Variants in PCGF5 observed in about 807,000 individuals in gnomAD.
The protein encoded by PCGF5 is polycomb group ring finger 5.
Under a neutral mutation model 44.3 loss-of-function variants are expected in PCGF5, and 9 were observed. The ratio of observed to expected loss-of-function variants is 0.20; its 90% CI spans 0.12 to 0.35. PCGF5 has a LOEUF of 0.35. Ranked by LOEUF, PCGF5 falls within the 10% of genes least tolerant of loss-of-function variation. The pLI is 1.00. For synonymous variants in PCGF5, 95 were observed against 102.5 expected (o/e 0.93, Z 0.44); for missense variants, 146 against 305.3 (o/e 0.48, Z 3.89).
chr10:91,272,509 A>C (rs996076098), intron 9 of PCGF5, among the ~76,000 whole-genome samples: 1 of 152,104 alleles, frequency 6.6e-6, no homozygotes, highest in Non-Finnish European at 1.5e-5. Context: ...ACGGTGGCTC[A>C]CCTCTGTAAT....
intron 1 of PCGF5, among the ~76,000 whole-genome samples, chr10:91,163,411 C>T (rs1843430276): frequency 6.6e-6 from 1 of 151,924 alleles, no homozygotes; most frequent in South Asian, 2.1e-4. Context: ...GGCCCCGCCG[C>T]GGGAGCAGCG....
intron 2 of PCGF5, among the ~76,000 whole-genome samples, chr10:91,239,948 A>G (rs547929476): frequency 2.0e-4 from 31 of 152,306 alleles, no homozygotes; most frequent in African/African-American, 7.5e-4. Context: ...CCATGGAATT[A>G]TAGTACCTAT....
chr10:91,276,399 G>A (rs1045796450), intron 9 of PCGF5, among the ~76,000 whole-genome samples: 1 of 152,070 alleles, frequency 6.6e-6, no homozygotes, highest in Non-Finnish European at 1.5e-5. Flanking sequence ...AAACTGAAAC[G>A]CAGGTCTATT....
intron 1 of PCGF5, among the ~76,000 whole-genome samples, chr10:91,167,563 C>T (rs1843521601): frequency 6.6e-6 from 1 of 152,118 alleles, no homozygotes; most frequent in African/African-American, 2.4e-5. Flanking sequence ...ATGAGCATGT[C>T]CAGGATTTGA....
Position 91,264,637 on chromosome 10 carries a change from G to T in PCGF5, c.663+117G>T, listed in dbSNP as rs1016128331. ...ACTAGCTTGGGAAGGAGAAGAAACT[G>T]GTTTTTCTTGCTACTGTTTCTCCTA... On this transcript the variant is annotated intron_variant, in intron 8 of 9. Transcript: ENST00000336126. 1.5e-5 allele frequency: 11 copies of T among 730,544 alleles called. No individual in the cohort carries two copies. The Admixed American group carries it at 2.8e-4, about 19-fold the overall frequency. 45.3% of individuals were successfully genotyped at this position (730,544 alleles called of 1,614,324 possible).
chr10:91,196,340 A>G (rs1844134176), intron 1 of PCGF5, among the ~76,000 whole-genome samples: 1 of 152,212 alleles, frequency 6.6e-6, no homozygotes, highest in Admixed American at 6.5e-5. Flanking sequence ...TCAGTTTACA[A>G]AGTTCAAATG....
chr10:91,234,066 A>G lies in PCGF5; in HGVS notation c.113-6418A>G, dbSNP rs561932683. The stretch of plus-strand genomic sequence containing the variant: ...CTGGGAAGCTCACTCTCTGTGATAC[A>G]TAAGAGACCTGGGTGGACCACACAT... On this transcript the variant is annotated intron_variant, in intron 2 of 9. Transcript: ENST00000336126. Among the ~76,000 whole-genome samples the G allele has an allele frequency of 1.3e-3, 198 of 152,352 alleles. 2 individuals are homozygous for G. The highest frequency in any genetic ancestry group is 2.5e-3 in the Non-Finnish European group (171 of 68,028).
At chr10:91,242,943 T>C (rs1033522326) in intron 3 of PCGF5, among the ~76,000 whole-genome samples, 17 of 152,194 alleles carry the variant, frequency 1.1e-4, no homozygotes, top group African/African-American at 4.1e-4. Context: ...GATCTTTTCC[T>C]CCTAAAATTC....
chr10:91,250,520 C>A (rs1184771953), intron 5 of PCGF5, among the ~76,000 whole-genome samples: 1 of 127,396 alleles, frequency 7.8e-6, no homozygotes, highest in Non-Finnish European at 1.6e-5. Context: ...TTTTAGCTTG[C>A]CTTTATTTGA....
chr10:91,226,958 G>A (rs1021253125), intron 2 of PCGF5, among the ~76,000 whole-genome samples: 2 of 152,156 alleles, frequency 1.3e-5, no homozygotes, highest in Admixed American at 1.3e-4. Context: ...ACACAAATGA[G>A]TTTTAGCTTT....
rs59977249 is a variant in PCGF5 at position 91,241,042 on chromosome 10, C to CAT, written c.209+474_209+475dup. On this transcript the variant is annotated intron_variant, in intron 3 of 9. Transcript: ENST00000336126. ...TACCCCTCAACTTTAGCAGTATAAT[C>CAT]ATATATATATATAATATATATTTTA... 9.8e-3 allele frequency among the ~76,000 whole-genome samples: 1,448 copies of CAT among 147,762 alleles called. 21 individuals are homozygous for CAT. The highest frequency in any genetic ancestry group is 0.032 in the African/African-American group (1,289 of 40,628).
chr10:91,163,525 C>G (rs958483274), intron 1 of PCGF5, among the ~76,000 whole-genome samples: 1 of 151,960 alleles, frequency 6.6e-6, no homozygotes, highest in Admixed American at 6.5e-5. Context: ...GCGCCTCCGC[C>G]GAGGAGGGAC....
rs182146289 is a variant in PCGF5, at chr10:91,164,034, G to A, written c.-184+953G>A. Among the ~76,000 whole-genome samples the A allele has an allele frequency of 6.9e-3, 1,044 of 152,358 alleles. 12 individuals carry two copies. The highest frequency in any genetic ancestry group is 0.024 in the African/African-American group (1,000 of 41,586). On this transcript the variant is annotated intron_variant, in intron 1 of 9. Transcript: ENST00000614189. The stretch of plus-strand genomic sequence containing the variant: ...CGTGTGCGGCCGTCATAGTACACCC[G>A]GAACGTGTGGCCGTGAGCTCCAGGG...
intron 2 of PCGF5, among the ~76,000 whole-genome samples, chr10:91,238,621 T>C (rs1484287567): frequency 1.0e-3 from 125 of 120,654 alleles, no homozygotes; most frequent in Middle Eastern, 4.3e-3. Context: ...TTTTTTTTTT[T>C]TTTTTTTTTT....
intron 2 of PCGF5, among the ~76,000 whole-genome samples, chr10:91,225,578 G>A (rs527601646): frequency 6.6e-6 from 1 of 151,892 alleles, no homozygotes; most frequent in South Asian, 2.1e-4. Flanking sequence ...GAGGATTCCG[G>A]TAGCACTAAT....
intron 3 of PCGF5, among the ~76,000 whole-genome samples, chr10:91,246,996 TA>T: frequency 6.6e-6 from 1 of 151,122 alleles, no homozygotes; most frequent in Non-Finnish European, 1.5e-5. Flanking sequence ...GATAGATAGA[TA>T]GATAGATAGA....
chr10:91,221,054 GA>G (rs1296947417), intron 1 of PCGF5, among the ~76,000 whole-genome samples: 1 of 151,698 alleles, frequency 6.6e-6, no homozygotes, highest in African/African-American at 2.4e-5. Context: ...CCGGCCCCGG[GA>G]AAGGCTGCTC....
intron 1 of PCGF5, among the ~76,000 whole-genome samples, chr10:91,208,640 T>G (rs1265884209): frequency 6.6e-6 from 1 of 152,138 alleles, no homozygotes; most frequent in African/African-American, 2.4e-5. Context: ...TTGGAAAATA[T>G]ATGAACTCTG....
chr10:91,171,458 G>A (rs917987929), intron 1 of PCGF5, among the ~76,000 whole-genome samples: 8 of 152,158 alleles, frequency 5.3e-5, no homozygotes, highest in African/African-American at 1.9e-4. Flanking sequence ...GTTGCTAGAA[G>A]GCCTTAGCCT....
Sources: allele counts gnomAD v4.1 joint callset (sites outside exome capture counted in the v4.1 genomes callset), GRCh38; gene constraint gnomAD v4.1.1; transcripts MANE v1.5; gene names NCBI Gene and HGNC (gene_info 2026-07-23, HGNC 2026-07-21).